USP32: variants seen among roughly 807,000 people sequenced by gnomAD.
USP32 encodes ubiquitin specific peptidase 32.
In USP32, 59 loss-of-function variants were observed where a neutral mutation model predicts 204.8. The observed-to-expected ratio is 0.29, with a 90% confidence interval of 0.23 to 0.36. The LOEUF (loss-of-function observed/expected upper bound fraction) is 0.36, where lower values mean the gene tolerates loss of function less well. Ranked by LOEUF, USP32 falls within the 10% of genes least tolerant of loss-of-function variation. USP32 has a pLI of 1.00. For synonymous variants in USP32, 517 were observed against 678.4 expected, an observed-to-expected ratio of 0.76 and a Z score of 3.70; for missense variants, 1,160 against 1,946.4, an observed-to-expected ratio of 0.60 and a Z score of 7.60.
chr17:60,306,614 G>C (rs1015880752), intron 2 of USP32, among the ~76,000 whole-genome samples: 3 of 151,862 alleles, frequency 2.0e-5, no homozygotes, highest in Non-Finnish European at 4.4e-5. Flanking sequence ...CTCCAGCCTG[G>C]GCAACAGAGC....
In USP32 at chr17:60,183,247, C is replaced by T. The variant is rs770538015; in HGVS notation, c.4041G>A (p.Ala1347=). ...ILAREVKKVD[A]QSSAGEEDVL... is the part of the protein sequence containing the mutation. ...CGTCCTCTTCCCCAGCCGAACTCTGCGCATCCACTTTCTTCACCTCCCTTG... is the reference window on the plus strand; with the variant it reads ...CGTCCTCTTCCCCAGCCGAACTCTGTGCATCCACTTTCTTCACCTCCCTTG... The change falls in exon 31 of 34, where the codon GCG becomes GCA. Residue 1347 remains alanine (A), a synonymous_variant. Coordinates refer to ENST00000300896, the MANE Select transcript of USP32 (RefSeq NM_032582.4). 8.1e-6 allele frequency: 13 copies of T among 1,613,874 alleles called. No homozygotes were observed. The highest frequency in any genetic ancestry group is 3.3e-4 in the Middle Eastern group (2 of 6,078).
At chr17:60,337,131 A>G (rs559296445) in intron 2 of USP32, among the ~76,000 whole-genome samples, 69 of 152,294 alleles carry the variant, frequency 4.5e-4, no homozygotes, top group Non-Finnish European at 7.1e-4. Context: ...ACAAATCACT[A>G]TTCTGTGATA....
intron 1 of USP32, chr17:60,422,174 G>T: frequency 3.6e-6 from 1 of 279,624 alleles, no homozygotes; most frequent in South Asian, 3.9e-5. Context: ...TCCTCTCGGG[G>T]AGCCCCCACC....
rs1471181627 is a variant in USP32, at chr17:60,287,454, G to T, written c.571+1069C>A. 1.3e-5 allele frequency among the ~76,000 whole-genome samples: 2 copies of T among 152,080 alleles called. 1 individual carries two copies. Among genetic ancestry groups the T allele is most frequent in the South Asian group, 4.1e-4 (2 of 4,828 alleles). On this transcript the variant is annotated intron_variant, in intron 5 of 33. Transcript: ENST00000300896. ...CTTGCCTTTAAAAACCCTTACCCAT[G>T]AGCCTTGGGGAGGTTGGGCTTTGAG...
chr17:60,387,891 C>T (rs902128468), intron 1 of USP32, among the ~76,000 whole-genome samples: 12 of 152,048 alleles, frequency 7.9e-5, no homozygotes, highest in Admixed American at 2.6e-4. Flanking sequence ...GTTATTAATA[C>T]TAAATATTAA....
chr17:60,200,198 C>G (rs1302547444), intron 26 of USP32, among the ~76,000 whole-genome samples: 1 of 140,170 alleles, frequency 7.1e-6, no homozygotes, highest in Admixed American at 7.1e-5. Context: ...CTGTCTCAAC[C>G]AAAAAAAAAA....
At chr17:60,245,276 C>A in intron 11 of USP32, 2 of 255,470 alleles carry the variant, frequency 7.8e-6, no homozygotes, top group South Asian at 4.3e-5. Context: ...ATAAAACATG[C>A]ATATGAGCTG....
intron 1 of USP32, among the ~76,000 whole-genome samples, chr17:60,411,080 G>A (rs1239113187): frequency 6.6e-6 from 1 of 151,836 alleles, no homozygotes; most frequent in Non-Finnish European, 1.5e-5. Flanking sequence ...TGTAATCTCA[G>A]CACTTTGGGA....
At position 60,177,360 on chromosome 17, in the gene USP32, T is replaced by C. The variant is rs1598015059; in HGVS notation, c.*1895A>G. Among the ~76,000 whole-genome samples the C allele has an allele frequency of 6.6e-6, 1 of 150,842 alleles. No individual in the cohort carries two copies. Among genetic ancestry groups the C allele is most frequent in the South Asian group, 2.1e-4 (1 of 4,820 alleles). ...CATCAACACTATTTTATTTACACTC[T>C]ATTTATGTACATTAACATCTTTCTA... On this transcript the variant is annotated 3_prime_UTR_variant, in exon 34 of 34. Transcript: ENST00000300896.
At position 60,205,641 on chromosome 17, in the gene USP32, A is replaced by G. The variant is rs149459704; in HGVS notation, c.3055T>C (p.Ser1019Pro). 2 of 1,613,888 alleles carry G rather than the reference A, an allele frequency of 1.2e-6. No individual in the cohort carries two copies. The highest frequency in any genetic ancestry group is 2.7e-5 in the African/African-American group (2 of 74,938). Reference protein sequence around the residue: ...PTQTDFSSSPSTNEMFTLTTN... With the variant: ...PTQTDFSSSPPTNEMFTLTTN... ...GTTAGGGTGAACATTTCATTTGTAG[A>G]TGGCGAAGAGGAGAAATCTACAAAT... Residue 1019 changes from serine to proline, a missense_variant, in exon 26 of 34, where the codon TCT (serine) becomes CCT (proline). Ser to Pro is a moderately conservative substitution (Grantham distance 74). Around this residue, in one of 8 missense-constraint regions of USP32, gnomAD observed 47 missense variants for 71.1 expected, o/e 0.66. Coordinates refer to ENST00000300896, the MANE Select transcript of USP32 (RefSeq NM_032582.4).
intron 1 of USP32, among the ~76,000 whole-genome samples, chr17:60,354,695 A>AT (rs948846859): frequency 2.0e-5 from 3 of 151,936 alleles, no homozygotes; most frequent in African/African-American, 7.3e-5. Flanking sequence ...ACAACTAGCA[A>AT]TTTTTTTTGC....
chr17:60,389,713 TG>T lies in USP32; in HGVS notation c.58+2168del, dbSNP rs1205365073. On this transcript the variant is annotated intron_variant, in intron 1 of 33. Transcript: ENST00000300896. Reference sequence around the variant, plus strand: ...GCTTTAATTTTCCTCTAAAGCAAACTGGTAAAACATAAATTCATGCCGGCCG... The same window carrying T: ...GCTTTAATTTTCCTCTAAAGCAAACTGTAAAACATAAATTCATGCCGGCCG... Among the ~76,000 whole-genome samples the T allele has an allele frequency of 2.2e-4, 33 of 151,954 alleles. 1 individual carries two copies. The highest frequency in any genetic ancestry group is 2.2e-3 in the Admixed American group (33 of 15,260).
intron 2 of USP32, among the ~76,000 whole-genome samples, chr17:60,324,864 G>A (rs1309163386): frequency 2.6e-5 from 4 of 152,106 alleles, no homozygotes; most frequent in African/African-American, 9.7e-5. Context: ...TTAGCCAGGT[G>A]TGGTGGCGCA....
At chr17:60,205,197 A>G (rs568270279) in intron 26 of USP32, among the ~76,000 whole-genome samples, 1 of 152,386 alleles carries the variant, frequency 6.6e-6, no homozygotes, top group Non-Finnish European at 1.5e-5. Context: ...AGCCACCATG[A>G]GTAATACTAA....
At chr17:60,287,211 G>C (rs1252364859) in intron 5 of USP32, among the ~76,000 whole-genome samples, 1 of 152,172 alleles carries the variant, frequency 6.6e-6, no homozygotes, top group Non-Finnish European at 1.5e-5. Context: ...CCGTGAGCCA[G>C]TTAACGTTCT....
chr17:60,222,259 C>A, intron 15 of USP32, 150 bp downstream of exon 15: 1 of 829,572 alleles, frequency 1.2e-6, no homozygotes, highest in Non-Finnish European at 1.8e-6. Flanking sequence ...TGTGAAGGAA[C>A]TTAACATTGA....
intron 11 of USP32, 56 bp from the exon 12 acceptor site, chr17:60,236,296 G>A (rs1235903304): frequency 1.3e-5 from 19 of 1,418,382 alleles, no homozygotes; most frequent in Admixed American, 5.3e-5. Context: ...AGGTGGCAAC[G>A]CACAAAAATT....
At chr17:60,214,535 A>G in intron 17 of USP32, 85 bp downstream of exon 17, 1 of 1,321,946 alleles carries the variant, frequency 7.6e-7, no homozygotes. Context: ...GAACAATACA[A>G]AGAAGTTTAG....
chr17:60,185,699 A>G (rs1316100563), intron 29 of USP32, 48 bp from the exon 30 acceptor site: 1 of 1,574,686 alleles, frequency 6.4e-7, no homozygotes, highest in South Asian at 1.2e-5. Context: ...GAAGGCATTT[A>G]AAGTGGTGAT....
Sources: gnomAD v4.1 joint callset for allele counts (sites outside exome capture counted in the v4.1 genomes callset) on GRCh38, gnomAD v4.1.1 for gene constraint, gnomAD v4.1.1 regional missense constraint, MANE v1.5 for transcripts, NCBI Gene and HGNC (gene_info 2026-07-23, HGNC 2026-07-21) for gene names.